The following GYG2 variants were observed in gnomAD, a reference collection of about 807,000 sequenced individuals.
The protein encoded by GYG2 is glycogenin-2.
Under a neutral mutation model 29.4 loss-of-function variants are expected in GYG2, and 29 were observed. The ratio of observed to expected loss-of-function variants is 0.99; its 90% CI spans 0.74 to 1.35. The LOEUF is 1.35. Ranked by LOEUF, GYG2 falls within the 40% of genes most tolerant of loss-of-function variation. The probability of loss-of-function intolerance (pLI) is 0.00; values close to 1 mark genes in which losing one functional copy is unlikely to be tolerated. For missense variants in GYG2, 370 were observed against 385.7 expected, an observed-to-expected ratio of 0.96 and a Z score of 0.34; for synonymous variants, 167 against 172.3, an observed-to-expected ratio of 0.97 and a Z score of 0.24.
At position 2,845,563 on chromosome X, in the gene GYG2, G is replaced by A. The variant is rs865813311; in HGVS notation, c.149+2209G>A. Among the ~76,000 whole-genome samples, 7 of 93,796 alleles carry A rather than the reference G, an allele frequency of 7.5e-5. 2 individuals carry two copies. The highest frequency in any genetic ancestry group is 2.3e-4 in the Admixed American group (2 of 8,693). 81.5% of individuals were successfully genotyped at this position (93,796 alleles called of 115,157 possible). ...CGTGTGTATGTATATTTATATACAC[G>A]TGTGTATACACATGTGTATATATAC... On this transcript the variant is annotated intron_variant, in intron 3 of 10. Coordinates refer to ENST00000398806, the MANE Select transcript of GYG2 (RefSeq NM_001079855.2).
intron 8 of GYG2, among the ~76,000 whole-genome samples, chrX:2,868,268 T>G (rs748382593): frequency 1.9e-5 from 2 of 105,517 alleles, no homozygotes; most frequent in South Asian, 4.3e-4. Flanking sequence ...AGCATGTTGG[T>G]AGGCTGAGGC....
At position 2,861,616 on chromosome X, in the gene GYG2, G is replaced by C. The variant is rs1254279929; in HGVS notation, c.932G>C (p.Cys311Ser). ...ENSTPSAGVP[C>S]ANSPLGSNQP... ...TCAACACCCAGTGCGGGCGTGCCGT[G>C]TGCAAATTCACCACTGGGTTCTAAC... Residue 311 changes from cysteine to serine, a missense_variant, in exon 8 of 11, where the codon TGT (cysteine) becomes TCT (serine). Physicochemically the swap from Cys to Ser is moderately radical, Grantham distance 112. Coordinates refer to ENST00000398806, the MANE Select transcript of GYG2 (RefSeq NM_001079855.2). 8.3e-7 allele frequency: 1 copy of C among 1,205,223 alleles called. No homozygotes were observed. Among genetic ancestry groups the C allele is most frequent in the Non-Finnish European group, 1.1e-6 (1 of 891,802 alleles).
chrX:2,870,756 A>T (rs2088449205), intron 8 of GYG2, among the ~76,000 whole-genome samples: 1 of 111,976 alleles, frequency 8.9e-6, no homozygotes, highest in Non-Finnish European at 1.9e-5. Context: ...GAAAATTTTT[A>T]TCTTTTTCCC....
chrX:2,835,509 G>A (rs772623866), intron 2 of GYG2, among the ~76,000 whole-genome samples: 113 of 112,180 alleles, frequency 1.0e-3, no homozygotes, highest in African/African-American at 3.5e-3. Context: ...AATTAGTTAA[G>A]CATCTCAAGA....
At chrX:2,830,413 C>T (rs2087238331) in intron 2 of GYG2, among the ~76,000 whole-genome samples, 1 of 112,005 alleles carries the variant, frequency 8.9e-6, no homozygotes, top group African/African-American at 3.2e-5. Context: ...TGAAGGGGGC[C>T]TTGGGATTTC....
intron 8 of GYG2, among the ~76,000 whole-genome samples, chrX:2,871,733 T>TAAAA (rs2088477033): frequency 9.2e-6 from 1 of 108,968 alleles, no homozygotes; most frequent in Non-Finnish European, 1.9e-5. Flanking sequence ...AATAAATAAA[T>TAAAA]AAAATTCTAT....
rs763274079 is a variant in GYG2, at chrX:2,854,989, C to T, written c.325-4C>T. On this transcript the variant is annotated splice_polypyrimidine_tract_variant and splice_region_variant and intron_variant, in intron 4 of 10. Transcript: ENST00000398806. ...GGCGGGTTCTGCGTGTTTTGCTTCA[C>T]CAGGTGCTGTCCAATGTCGATGAGC... is the stretch of plus-strand genomic sequence containing the variant. The T allele has an allele frequency of 4.1e-6, 5 of 1,207,813 alleles. No individual in the cohort carries two copies. The highest frequency in any genetic ancestry group is 3.0e-5 in the East Asian group (1 of 33,756).
At chrX:2,860,401 T>G (rs991457159) in intron 7 of GYG2, among the ~76,000 whole-genome samples, 7 of 110,744 alleles carry the variant, frequency 6.3e-5, no homozygotes, top group African/African-American at 2.3e-4. Flanking sequence ...ACTTTCCACT[T>G]GAAACCATCA....
chrX:2,865,842 A>G (rs1183219011), intron 8 of GYG2, among the ~76,000 whole-genome samples: 1 of 102,316 alleles, frequency 9.8e-6, no homozygotes, highest in African/African-American at 3.6e-5. Flanking sequence ...TCCTCAAAAA[A>G]CTACAAATAG....
In GYG2 at chrX:2,871,934, G is replaced by A. The variant is rs779751127; in HGVS notation, c.1039-3876G>A. ...ACAAATTTATAGCCCATAATGCAAA[G>A]GAGTGCTTCCTTTTTTGCTGTAAAT... On this transcript the variant is annotated intron_variant, in intron 8 of 10. Transcript: ENST00000398806. Among the ~76,000 whole-genome samples the A allele has an allele frequency of 3.6e-5, 4 of 111,715 alleles. No individual in the cohort carries two copies. In the South Asian group the frequency reaches 1.5e-3, roughly 42 times the overall value.
intron 2 of GYG2, among the ~76,000 whole-genome samples, chrX:2,842,554 C>T (rs2087527630): frequency 9.0e-6 from 1 of 111,042 alleles, no homozygotes; most frequent in Admixed American, 9.7e-5. Flanking sequence ...GTCATCAAGC[C>T]ATCACTTCCA....
chrX:2,851,065 A>T (rs774273406), intron 3 of GYG2, among the ~76,000 whole-genome samples: 1 of 112,556 alleles, frequency 8.9e-6, no homozygotes, highest in East Asian at 2.8e-4. Context: ...CCTTTTTAAA[A>T]AGATAGGCTT....
At chrX:2,865,930 C>G (rs752921936) in intron 8 of GYG2, among the ~76,000 whole-genome samples, 1 of 111,509 alleles carries the variant, frequency 9.0e-6, no homozygotes, top group Non-Finnish European at 1.9e-5. Context: ...GGGACATCTG[C>G]CCCCCGTCCA....
chrX:2,854,070 T>G lies in GYG2; in HGVS notation c.240T>G (p.Pro80=), dbSNP rs1359773247. Residue 80 remains proline, a synonymous_variant, in exon 4 of 11, where the codon CCT becomes CCG. Coordinates refer to ENST00000398806, the MANE Select transcript of GYG2 (RefSeq NM_001079855.2). The stretch of plus-strand genomic sequence containing the variant: ...TCCACCTGGCCTTTCTGAAGAGACC[T>G]GAGCTCGGGCTCACCCTCACCAAGC... ...DYIHLAFLKR[P]ELGLTLTKLH... 8.3e-7 allele frequency: 1 copy of G among 1,203,702 alleles called. No homozygotes were observed. Among genetic ancestry groups the G allele is most frequent in the East Asian group, 3.0e-5 (1 of 33,795 alleles).
rs183068698 is a variant in GYG2, at chrX:2,844,335, A to T, written c.149+981A>T. ...GTACAAATGAAAGCTTGAATTATGT[A>T]CTATTTCAGAAAATCACTGCAATGT... On this transcript the variant is annotated intron_variant, in intron 3 of 10. Transcript: ENST00000398806. Among the ~76,000 whole-genome samples the T allele has an allele frequency of 4.5e-3, 504 of 111,982 alleles. 4 individuals carry two copies. Among genetic ancestry groups the T allele is most frequent in the African/African-American group, 0.015 (474 of 30,904 alleles).
intron 2 of GYG2, among the ~76,000 whole-genome samples, chrX:2,835,888 T>C: frequency 9.0e-6 from 1 of 111,189 alleles, no homozygotes; most frequent in Admixed American, 9.6e-5. Context: ...GCAGGTAAGA[T>C]GGCACAAGAG....
intron 2 of GYG2, among the ~76,000 whole-genome samples, chrX:2,837,836 A>C (rs1416426466): frequency 8.4e-5 from 6 of 71,333 alleles, no homozygotes; most frequent in African/African-American, 2.1e-4. Context: ...TTTGCAATTA[A>C]ATACACACAC....
intron 4 of GYG2, 119 bp from the exon 5 acceptor site, chrX:2,854,874 G>A (rs1351680199): frequency 2.8e-5 from 23 of 808,768 alleles, no homozygotes; most frequent in South Asian, 2.8e-5. Context: ...GGAGGCCGCA[G>A]TGAGCCGAGA....
At chrX:2,840,361 G>A (rs2087466848) in intron 2 of GYG2, among the ~76,000 whole-genome samples, 2 of 111,461 alleles carry the variant, frequency 1.8e-5, no homozygotes, top group African/African-American at 3.3e-5. Flanking sequence ...TGCCAGTCCC[G>A]AATGCCTGCT....
Sources: gnomAD v4.1 joint callset for allele counts (sites outside exome capture counted in the v4.1 genomes callset) on GRCh38, gnomAD v4.1.1 for gene constraint, MANE v1.5 for transcripts, NCBI Gene and HGNC (gene_info 2026-07-23, HGNC 2026-07-21) for gene names.